Variants in BICD1 observed in about 807,000 individuals in gnomAD.
The protein encoded by BICD1 is BICD cargo adaptor 1, also known as protein bicaudal D homolog 1.
Under a neutral mutation model 92.5 loss-of-function variants are expected in BICD1, and 35 were observed. The observed-to-expected ratio is 0.38, with a 90% CI of 0.29 to 0.50. The LOEUF is 0.50. Among genes scored for constraint, BICD1 ranks in the 20% least tolerant of loss-of-function variants. The pLI, the probability that BICD1 is intolerant of heterozygous loss-of-function variation, is 0.93. For missense variants in BICD1, 950 were observed against 1,189.8 expected (o/e 0.80, Z 2.97); for synonymous variants, 429 against 465.1 (o/e 0.92, Z 1.00).
At chr12:32,192,001 G>A (rs193068632) in intron 1 of BICD1, among the ~76,000 whole-genome samples, 4 of 152,194 alleles carry the variant, frequency 2.6e-5, no homozygotes, top group African/African-American at 4.8e-5. Flanking sequence ...ACTTTAAATC[G>A]AAATGTAGAA....
chr12:32,213,092 A>G (rs6488038), intron 1 of BICD1, among the ~76,000 whole-genome samples: 5,069 of 152,206 alleles, frequency 0.033, 314 homozygotes, highest in African/African-American at 0.12. Flanking sequence ...TCACTAACTA[A>G]CCTAAATAAC....
intron 2 of BICD1, among the ~76,000 whole-genome samples, chr12:32,282,202 CT>C (rs56217529): frequency 5.3e-5 from 5 of 94,256 alleles, no homozygotes; most frequent in African/African-American, 1.8e-4. Context: ...AGGTCTTCTT[CT>C]TTTTTTTTTT....
intron 1 of BICD1, among the ~76,000 whole-genome samples, chr12:32,163,654 A>T (rs953075814): frequency 1.3e-5 from 2 of 152,248 alleles, no homozygotes. Flanking sequence ...GAAATATAAA[A>T]ATATAAAAAT....
rs151120020 is a variant in BICD1 at position 32,375,976 on chromosome 12, T to C, written c.2841-1564T>C. Among the ~76,000 whole-genome samples, 212 of 152,292 alleles carry C rather than the reference T, an allele frequency of 1.4e-3. 2 individuals are homozygous for C. The highest frequency in any genetic ancestry group is 4.8e-3 in the African/African-American group (201 of 41,562). ...CATCACTTCTGGTAGAAATGAATTA[T>C]ATAGTACTGACTTTCATAGTTTAAG... On this transcript the variant is annotated intron_variant, in intron 9 of 9. Transcript: ENST00000652176.
chr12:32,164,370 T>G (rs1463840257), intron 1 of BICD1, among the ~76,000 whole-genome samples: 2 of 152,234 alleles, frequency 1.3e-5, no homozygotes, highest in African/African-American at 4.8e-5. Context: ...TTAGCGCACT[T>G]AAAAATCAGT....
intron 2 of BICD1, among the ~76,000 whole-genome samples, chr12:32,218,399 A>G (rs1945420457): frequency 6.6e-6 from 1 of 152,174 alleles, no homozygotes; most frequent in Non-Finnish European, 1.5e-5. Context: ...CTGATTCAGT[A>G]GATCGAGGTA....
rs1223519626 is a variant in BICD1 at position 32,379,665 on chromosome 12, A to AT, written c.*2043dup. ...CCCCTGCCCTCACTTTGTGTTTTTT[A>AT]TTTTTCCCCCTTTCTCAAGCACCAC... On this transcript the variant is annotated 3_prime_UTR_variant, in exon 10 of 10. Coordinates refer to ENST00000652176, the MANE Select transcript of BICD1 (RefSeq NM_001714.4). 6.6e-6 allele frequency: 1 copy of AT among 151,998 alleles called. No homozygotes were observed. The highest frequency in any genetic ancestry group is 1.9e-4 in the East Asian group (1 of 5,188). 9.4% of individuals were successfully genotyped at this position (151,998 alleles called of 1,614,324 possible).
At chr12:32,265,713 C>T in intron 2 of BICD1, among the ~76,000 whole-genome samples, 1 of 98,454 alleles carries the variant, frequency 1.0e-5, no homozygotes, top group Non-Finnish European at 2.0e-5. Context: ...CAGCGAGATC[C>T]TATTTAAAAA....
At chr12:32,308,652 T>C (rs1235691532) in intron 4 of BICD1, among the ~76,000 whole-genome samples, 3 of 152,226 alleles carry the variant, frequency 2.0e-5, no homozygotes, top group Non-Finnish European at 4.4e-5. Context: ...CTGATGTGGA[T>C]ACTGGTAGGA....
At chr12:32,132,413 C>T (rs1190368166) in intron 1 of BICD1, among the ~76,000 whole-genome samples, 1 of 90,670 alleles carries the variant, frequency 1.1e-5, no homozygotes, top group Non-Finnish European at 2.7e-5. Context: ...GAGACTCTGT[C>T]TCAAAAAAAA....
At chr12:32,157,997 A>G (rs1005192333) in intron 1 of BICD1, among the ~76,000 whole-genome samples, 13 of 152,088 alleles carry the variant, frequency 8.5e-5, no homozygotes, top group Admixed American at 7.2e-4. Flanking sequence ...AACACCTTTA[A>G]GTTTTCTTAA....
At chr12:32,264,319 C>T (rs531060954) in intron 2 of BICD1, among the ~76,000 whole-genome samples, 9 of 152,246 alleles carry the variant, frequency 5.9e-5, no homozygotes, top group Non-Finnish European at 1.2e-4. Flanking sequence ...TTTAAAATCC[C>T]GGCATCTACA....
chr12:32,189,821 C>G (rs71457610), intron 1 of BICD1, among the ~76,000 whole-genome samples: 4,379 of 151,868 alleles, frequency 0.029, 72 homozygotes, highest in Middle Eastern at 0.041. Flanking sequence ...GCCTCAGCCT[C>G]CCGAGTAGCT....
chr12:32,289,750 C>G (rs772138898), intron 2 of BICD1, among the ~76,000 whole-genome samples: 2 of 152,200 alleles, frequency 1.3e-5, no homozygotes, highest in Non-Finnish European at 2.9e-5. Flanking sequence ...CACCTTTAAA[C>G]AGTATTATAT....
chr12:32,148,290 G>A (rs556839389), intron 1 of BICD1, among the ~76,000 whole-genome samples: 28 of 152,204 alleles, frequency 1.8e-4, no homozygotes, highest in Non-Finnish European at 2.9e-4. Flanking sequence ...GTCTGATGCA[G>A]TTACATTCGA....
intron 1 of BICD1, among the ~76,000 whole-genome samples, chr12:32,123,056 T>C (rs1942209783): frequency 6.7e-6 from 1 of 150,272 alleles, no homozygotes; most frequent in Non-Finnish European, 1.5e-5. Context: ...GGAAGAGAGA[T>C]GATAAACAAA....
intron 1 of BICD1, among the ~76,000 whole-genome samples, chr12:32,126,048 CAAA>C (rs61406736): frequency 3.9e-5 from 2 of 51,424 alleles, no homozygotes; most frequent in Non-Finnish European, 4.3e-5. Context: ...GACTCCATCT[CAAA>C]AAAAAAAAAA....
intron 2 of BICD1, among the ~76,000 whole-genome samples, chr12:32,276,153 CCATGACTAAG>C (rs1947270710): frequency 1.3e-5 from 2 of 152,180 alleles, no homozygotes; most frequent in Admixed American, 6.5e-5. Flanking sequence ...CAGATGCAGT[CCATGACTAAG>C]ATCCACCGCA....
chr12:32,119,995 GAA>G (rs896562320), intron 1 of BICD1, among the ~76,000 whole-genome samples: 20 of 152,274 alleles, frequency 1.3e-4, no homozygotes, highest in Admixed American at 2.6e-4. Context: ...CCTGAAAACA[GAA>G]AATATCAAAA....
Sources: allele counts gnomAD v4.1 joint callset (sites outside exome capture counted in the v4.1 genomes callset), GRCh38; gene constraint gnomAD v4.1.1; transcripts MANE v1.5; gene names NCBI Gene and HGNC (gene_info 2026-07-23, HGNC 2026-07-21).